SMIM13: variants seen among roughly 807,000 people sequenced by gnomAD.
SMIM13 encodes the protein small integral membrane protein 13, also known as UPF0766 protein C6orf228.
In SMIM13, 3 loss-of-function variants were observed where a neutral mutation model predicts 5.9. The ratio of observed to expected loss-of-function variants is 0.51; its 90% CI spans 0.23 to 1.31. The LOEUF is 1.31. SMIM13 is among the 40% of genes most tolerant of loss of function. The pLI, the probability that SMIM13 is intolerant of heterozygous loss-of-function variation, is 0.18. For missense variants in SMIM13, 85 were observed against 109.9 expected (o/e 0.77, Z 1.01); for synonymous variants, 55 against 46.0 (o/e 1.19, Z -0.79).
intron 1 of SMIM13, among the ~76,000 whole-genome samples, chr6:11,124,100 C>T (rs1380231116): frequency 6.6e-6 from 1 of 152,146 alleles, no homozygotes; most frequent in Non-Finnish European, 1.5e-5. Context: ...AGATCTTATT[C>T]ATTCTATCTA....
In SMIM13 at chr6:11,109,773, A is replaced by G. The variant is rs536744370; in HGVS notation, c.76+15384A>G. On this transcript the variant is annotated intron_variant, in intron 1 of 1. Coordinates refer to ENST00000416247, the MANE Select transcript of SMIM13 (RefSeq NM_001135575.2). ...TTTCCTTTTTAGGGTTTGGGAGTCAAACTTTTCCCAGTTCTTGAGGATGTA... is the reference window on the plus strand; with the variant it reads ...TTTCCTTTTTAGGGTTTGGGAGTCAGACTTTTCCCAGTTCTTGAGGATGTA... Among the ~76,000 whole-genome samples the G allele has an allele frequency of 2.6e-5, 4 of 152,296 alleles. No individual in the cohort carries two copies. In the East Asian group the frequency reaches 5.8e-4, roughly 22 times the overall value.
At chr6:11,094,451 T>C in intron 1 of SMIM13, 62 bp downstream of exon 1, 2 of 1,318,354 alleles carry the variant, frequency 1.5e-6, no homozygotes, top group South Asian at 2.6e-5. Context: ...TGCTGGGGTT[T>C]TTTTTGTTGT....
At chr6:11,130,629 T>G (rs1349943943) in intron 1 of SMIM13, among the ~76,000 whole-genome samples, 5 of 152,170 alleles carry the variant, frequency 3.3e-5, no homozygotes, top group Admixed American at 2.6e-4. Flanking sequence ...GACTTGAGAT[T>G]GAATCCCTTA....
intron 1 of SMIM13, chr6:11,111,549 G>GC (rs1758167110): frequency 6.5e-6 from 1 of 152,868 alleles, no homozygotes; most frequent in African/African-American, 2.4e-5. Context: ...GGGGAGCAGA[G>GC]CCACTGTGGT....
chr6:11,106,864 G>T (rs1758091379), intron 1 of SMIM13, among the ~76,000 whole-genome samples: 1 of 152,232 alleles, frequency 6.6e-6, no homozygotes, highest in Admixed American at 6.5e-5. Context: ...TTTAATTTGA[G>T]TATCTGGAGC....
chr6:11,115,163 T>C (rs1447495897), intron 1 of SMIM13, among the ~76,000 whole-genome samples: 1 of 152,208 alleles, frequency 6.6e-6, no homozygotes, highest in Non-Finnish European at 1.5e-5. Context: ...TCCTGTCTCT[T>C]TGGATTTTTG....
At chr6:11,111,868 G>A (rs1049617208) in intron 1 of SMIM13, 4 of 152,166 alleles carry the variant, frequency 2.6e-5, no homozygotes, top group African/African-American at 9.7e-5. Flanking sequence ...ATGTGCATTT[G>A]TTTACTGAAG....
chr6:11,118,068 G>A (rs1481241847), intron 1 of SMIM13, among the ~76,000 whole-genome samples: 2 of 151,492 alleles, frequency 1.3e-5, no homozygotes, highest in Non-Finnish European at 1.5e-5. Context: ...ATGGGGTTTC[G>A]CCATGTTGGC....
intron 1 of SMIM13, among the ~76,000 whole-genome samples, chr6:11,127,085 G>C (rs909014310): frequency 1.3e-5 from 2 of 152,180 alleles, no homozygotes; most frequent in Non-Finnish European, 2.9e-5. Context: ...AGTCAGACTC[G>C]AAGCCAGCAT....
At chr6:11,126,003 ACTTTATT>A (rs1758372146) in intron 1 of SMIM13, among the ~76,000 whole-genome samples, 1 of 152,078 alleles carries the variant, frequency 6.6e-6, no homozygotes, top group Non-Finnish European at 1.5e-5. Flanking sequence ...TTATAGATGT[ACTTTATT>A]CTTTTTTCTT....
chr6:11,095,148 C>A (rs752177705), intron 1 of SMIM13, among the ~76,000 whole-genome samples: 1 of 152,084 alleles, frequency 6.6e-6, no homozygotes, highest in Non-Finnish European at 1.5e-5. Flanking sequence ...ACGTAGAACA[C>A]GTGTCAGTGA....
intron 1 of SMIM13, chr6:11,104,363 A>C (rs2113643256): frequency 1.3e-6 from 2 of 1,551,744 alleles, no homozygotes; most frequent in Non-Finnish European, 1.7e-6. Context: ...CTATGGTACA[A>C]GTTCCAGTCC....
rs942091148 is a variant in SMIM13 at position 11,104,108 on chromosome 6, G to T, written c.76+9719G>T. 10 of 1,551,550 alleles carry T rather than the reference G, an allele frequency of 6.4e-6. No homozygotes were observed. The Admixed American group carries it at 2.0e-4, about 30-fold the overall frequency. On this transcript the variant is annotated intron_variant, in intron 1 of 1. Coordinates refer to ENST00000416247, the MANE Select transcript of SMIM13 (RefSeq NM_001135575.2). ...CTAAAGAGTCGATTTGTTCTTGCAT[G>T]GTCGTTAAGGCTTTAGCCATGGTGT...
intron 1 of SMIM13, among the ~76,000 whole-genome samples, chr6:11,108,239 T>C (rs938803675): frequency 2.6e-5 from 4 of 152,162 alleles, no homozygotes; most frequent in African/African-American, 9.7e-5. Context: ...AGGAGGATAA[T>C]TGCCTGGGAA....
intron 1 of SMIM13, among the ~76,000 whole-genome samples, chr6:11,102,052 T>C (rs1441177881): frequency 6.6e-6 from 1 of 152,154 alleles, no homozygotes; most frequent in Non-Finnish European, 1.5e-5. Context: ...CTTTAGCAAT[T>C]CTTAAAAGCC....
At chr6:11,130,139 T>C (rs1387665245) in intron 1 of SMIM13, among the ~76,000 whole-genome samples, 1 of 152,140 alleles carries the variant, frequency 6.6e-6, no homozygotes, top group Non-Finnish European at 1.5e-5. Context: ...TCATTTTACT[T>C]GGAGGACAAC....
intron 1 of SMIM13, among the ~76,000 whole-genome samples, chr6:11,100,961 G>T (rs1757983513): frequency 6.7e-6 from 1 of 148,446 alleles, no homozygotes; most frequent in Admixed American, 6.7e-5. Flanking sequence ...GGTCCCTTCA[G>T]TTCAGATTTT....
chr6:11,099,519 G>A (rs992594655), intron 1 of SMIM13, among the ~76,000 whole-genome samples: 2 of 152,100 alleles, frequency 1.3e-5, no homozygotes, highest in African/African-American at 4.8e-5. Flanking sequence ...CACACTAGAG[G>A]GTAAGGCCCA....
intron 1 of SMIM13, among the ~76,000 whole-genome samples, chr6:11,131,879 T>C (rs1321590099): frequency 6.6e-6 from 1 of 152,162 alleles, no homozygotes; most frequent in East Asian, 1.9e-4. Context: ...TTCCTAGATA[T>C]GCCATCCAAA....
Sources: gnomAD v4.1 joint callset for allele counts (sites outside exome capture counted in the v4.1 genomes callset) on GRCh38, gnomAD v4.1.1 for gene constraint, MANE v1.5 for transcripts, NCBI Gene and HGNC (gene_info 2026-07-23, HGNC 2026-07-21) for gene names.